Variants in ST3GAL4 observed in about 807,000 individuals in gnomAD.
The protein encoded by ST3GAL4 is CMP-N-acetylneuraminate-beta-galactosamide-alpha-2,3-sialyltransferase 4.
A neutral mutation model predicts 42.6 loss-of-function variants in ST3GAL4; 24 were observed. The observed-to-expected ratio is 0.56, with a 90% CI of 0.41 to 0.79. The LOEUF (loss-of-function observed/expected upper bound fraction) is 0.79. Ranked by LOEUF, ST3GAL4 falls within the 30% of genes least tolerant of loss-of-function variation. ST3GAL4 has a pLI of 0.00. For synonymous variants in ST3GAL4, 135 were observed against 163.2 expected, an observed-to-expected ratio of 0.83 and a Z score of 1.32; for missense variants, 311 against 430.8, an observed-to-expected ratio of 0.72 and a Z score of 2.46.
rs1953537432 is a variant in ST3GAL4 at position 126,391,975 on chromosome 11, G to GTA, written c.-60-14120_-60-14119insAT. Among the ~76,000 whole-genome samples, 1 of 148,194 alleles carries GTA rather than the reference G, an allele frequency of 6.7e-6. No individual in the cohort carries two copies. Among genetic ancestry groups the GTA allele is most frequent in the Non-Finnish European group, 1.5e-5 (1 of 66,652 alleles). ...TGTGTGTGTGTGTGTGTGTGTGTATGTGTGTGTATGTGTATATATAAAATT... is the reference window on the plus strand; with the variant it reads ...TGTGTGTGTGTGTGTGTGTGTGTATGTATGTGTGTATGTGTATATATAAAATT... On this transcript the variant is annotated intron_variant, in intron 1 of 10. Transcript: ENST00000444328. This position sits in a 1 kb window ranked among gnomAD's most constrained non-coding sequence, Gnocchi z 5.5.
chr11:126,404,138 G>A (rs1232282729), intron 1 of ST3GAL4, among the ~76,000 whole-genome samples: 1 of 152,114 alleles, frequency 6.6e-6, no homozygotes, highest in African/African-American at 2.4e-5. Flanking sequence ...TCTCAAACTT[G>A]GACAGATAGA....
chr11:126,370,255 G>A (rs1952592220), intron 1 of ST3GAL4, among the ~76,000 whole-genome samples: 2 of 152,192 alleles, frequency 1.3e-5, no homozygotes, highest in South Asian at 4.1e-4. Context: ...GCATACATCT[G>A]TGAGAGGTCC....
intron 1 of ST3GAL4, among the ~76,000 whole-genome samples, chr11:126,390,506 A>G (rs1042936251): frequency 6.6e-6 from 1 of 151,954 alleles, no homozygotes. Context: ...CAATGTGGAA[A>G]TGAGATTTGG....
chr11:126,404,748 C>G (rs549705093), intron 1 of ST3GAL4, among the ~76,000 whole-genome samples: 2 of 152,236 alleles, frequency 1.3e-5, no homozygotes, highest in East Asian at 3.9e-4. Context: ...TTCTGACTCT[C>G]CTGAGGCAGT....
intron 1 of ST3GAL4, among the ~76,000 whole-genome samples, chr11:126,367,017 T>C (rs1184876922): frequency 2.0e-5 from 3 of 152,020 alleles, no homozygotes; most frequent in African/African-American, 7.2e-5. Flanking sequence ...AGCACTGTTC[T>C]GGAAGTGGAC....
intron 1 of ST3GAL4, among the ~76,000 whole-genome samples, chr11:126,357,431 A>G (rs958719222): frequency 2.0e-5 from 3 of 152,088 alleles, no homozygotes; most frequent in Non-Finnish European, 1.5e-5. Flanking sequence ...GGGTGTCTTT[A>G]GCTTGGGGAT....
At chr11:126,362,960 C>T (rs182494072) in intron 1 of ST3GAL4, among the ~76,000 whole-genome samples, 6 of 152,278 alleles carry the variant, frequency 3.9e-5, no homozygotes, top group Non-Finnish European at 5.9e-5. Context: ...TTGGGCTGAG[C>T]CTCAGGAGTA....
intron 1 of ST3GAL4, among the ~76,000 whole-genome samples, chr11:126,389,990 A>G (rs1046765492): frequency 1.5e-5 from 2 of 135,240 alleles, no homozygotes; most frequent in African/African-American, 5.8e-5. Flanking sequence ...TGGCTAACGC[A>G]GTGAAACCCC....
At position 126,359,045 on chromosome 11, in the gene ST3GAL4, A is replaced by T. The variant is rs1285306412; in HGVS notation, c.-61+3203A>T. ...ACCTGCAGCTCATTCAAGCCTGTGC[A>T]TGGGGGTTGGGGTCCTCAGGATCTT... On this transcript the variant is annotated intron_variant, in intron 1 of 10. Transcript: ENST00000444328. This position sits in a 1 kb window ranked among gnomAD's most constrained non-coding sequence, Gnocchi z 4.8. Among the ~76,000 whole-genome samples, 2 of 152,128 alleles carry T rather than the reference A, an allele frequency of 1.3e-5. No individual in the cohort carries two copies. Among genetic ancestry groups the T allele is most frequent in the Non-Finnish European group, 2.9e-5 (2 of 68,010 alleles).
Position 126,391,611 on chromosome 11 carries a change from C to T in ST3GAL4, c.-60-14485C>T, listed in dbSNP as rs1235633815. Among the ~76,000 whole-genome samples the T allele has an allele frequency of 2.6e-5, 4 of 152,230 alleles. No homozygotes were observed. The highest frequency in any genetic ancestry group is 9.6e-5 in the African/African-American group (4 of 41,458). On this transcript the variant is annotated intron_variant, in intron 1 of 10. Transcript: ENST00000444328. The surrounding 1 kb of genome is among the most constrained non-coding windows in gnomAD (Gnocchi z 5.5). ...AGGTGGATCTGCATTCAGTGCAGGG[C>T]AGAGCCTGGGTGGCAGTGCCTCTCC...
chr11:126,401,398 T>C (rs566707782), intron 1 of ST3GAL4, among the ~76,000 whole-genome samples: 1 of 151,886 alleles, frequency 6.6e-6, no homozygotes, highest in South Asian at 2.1e-4. Context: ...TGAAACCCCG[T>C]CTCTACTAAA....
intron 9 of ST3GAL4, among the ~76,000 whole-genome samples, chr11:126,412,739 G>C (rs2135569024): frequency 6.6e-6 from 1 of 152,324 alleles, no homozygotes; most frequent in Middle Eastern, 3.4e-3. Context: ...AGAGCACCCA[G>C]GTCTTCTGAA....
intron 1 of ST3GAL4, among the ~76,000 whole-genome samples, chr11:126,370,022 TG>T (rs1952584994): frequency 6.6e-6 from 1 of 152,258 alleles, no homozygotes; most frequent in Non-Finnish European, 1.5e-5. Context: ...TTTCGTTGTG[TG>T]TGCCTAATTT....
At chr11:126,372,266 A>G (rs1165236911) in intron 1 of ST3GAL4, among the ~76,000 whole-genome samples, 1 of 152,024 alleles carries the variant, frequency 6.6e-6, no homozygotes, top group South Asian at 2.1e-4. Flanking sequence ...TTCTGTGTCT[A>G]TGAGTTTGAC....
At chr11:126,362,699 A>G (rs775297987) in intron 1 of ST3GAL4, among the ~76,000 whole-genome samples, 19 of 152,162 alleles carry the variant, frequency 1.2e-4, no homozygotes, top group Non-Finnish European at 2.6e-4. Context: ...GTCCCCGTCC[A>G]CTTACCAGTT....
intron 1 of ST3GAL4, among the ~76,000 whole-genome samples, chr11:126,387,133 C>T (rs1250268680): frequency 6.6e-6 from 1 of 152,224 alleles, no homozygotes; most frequent in Non-Finnish European, 1.5e-5. Flanking sequence ...GGTCTGAGAT[C>T]AGCTGCTTCC....
intron 1 of ST3GAL4, among the ~76,000 whole-genome samples, chr11:126,395,880 C>G (rs1953728930): frequency 6.6e-6 from 1 of 152,110 alleles, no homozygotes; most frequent in African/African-American, 2.4e-5. Flanking sequence ...CGCAGGCAGC[C>G]TGTGTTGGGA....
intron 1 of ST3GAL4, chr11:126,403,415 T>C (rs996167347): frequency 1.0e-6 from 1 of 985,392 alleles, no homozygotes; most frequent in Non-Finnish European, 1.2e-6. Context: ...TGTGTATCTG[T>C]CTTTCACAAA....
At chr11:126,372,299 G>A (rs911333999) in intron 1 of ST3GAL4, among the ~76,000 whole-genome samples, 3 of 152,114 alleles carry the variant, frequency 2.0e-5, no homozygotes, top group African/African-American at 7.2e-5. Context: ...CCTCCTATAA[G>A]TGGAATGATA....
Sources: gnomAD v4.1 joint callset for allele counts (sites outside exome capture counted in the v4.1 genomes callset) on GRCh38, gnomAD v4.1.1 for gene constraint, Gnocchi (gnomAD v3.1) non-coding constraint, MANE v1.5 for transcripts, NCBI Gene and HGNC (gene_info 2026-07-23, HGNC 2026-07-21) for gene names.